The following RAB7A variants were observed in gnomAD, a reference collection of about 807,000 sequenced individuals.
RAB7A encodes RAB7A, member RAS oncogene family.
A neutral mutation model predicts 24.5 loss-of-function variants in RAB7A; 2 were observed. The observed-to-expected ratio is 0.08, with a 90% confidence interval of 0.03 to 0.26. RAB7A has a LOEUF of 0.26. Ranked by LOEUF, RAB7A falls within the 10% of genes least tolerant of loss-of-function variation. The pLI is 1.00. For missense variants in RAB7A, 118 were observed against 255.7 expected, an observed-to-expected ratio of 0.46 and a Z score of 3.67; for synonymous variants, 100 against 95.9, an observed-to-expected ratio of 1.04 and a Z score of -0.25.
chr3:128,742,989 C>T (rs1405264387), intron 1 of RAB7A, among the ~76,000 whole-genome samples: 2 of 152,178 alleles, frequency 1.3e-5, no homozygotes, highest in African/African-American at 2.4e-5. Flanking sequence ...CGGTGCCCGT[C>T]GGGGAGGCTC....
At chr3:128,811,568 G>A (rs2107617750) in intron 5 of RAB7A, among the ~76,000 whole-genome samples, 1 of 152,316 alleles carries the variant, frequency 6.6e-6, no homozygotes, top group South Asian at 2.1e-4. Context: ...GAAATGTCCA[G>A]CCCGGATGCA....
At chr3:128,777,610 C>T (rs1161849887) in intron 1 of RAB7A, among the ~76,000 whole-genome samples, 2 of 152,212 alleles carry the variant, frequency 1.3e-5, no homozygotes, top group South Asian at 4.1e-4. Context: ...CAGATTTTCA[C>T]ACCTAATCAG....
At chr3:128,754,947 G>A (rs2107593178) in intron 1 of RAB7A, among the ~76,000 whole-genome samples, 1 of 152,268 alleles carries the variant, frequency 6.6e-6, no homozygotes. Flanking sequence ...TTAATGGGTA[G>A]AAGAACCAGG....
intron 2 of RAB7A, among the ~76,000 whole-genome samples, chr3:128,795,786 C>T (rs1933559153): frequency 3.9e-5 from 1 of 25,324 alleles, no homozygotes; most frequent in Non-Finnish European, 1.7e-4. Context: ...GAGTCTCGCT[C>T]TGTCGCCCAG....
intron 3 of RAB7A, among the ~76,000 whole-genome samples, chr3:128,803,066 T>C (rs573651008): frequency 6.6e-6 from 1 of 152,118 alleles, no homozygotes; most frequent in Non-Finnish European, 1.5e-5. Flanking sequence ...TACCTTGGCC[T>C]CCCAAAGTCC....
At chr3:128,803,920 T>G (rs542247774) in intron 3 of RAB7A, among the ~76,000 whole-genome samples, 3 of 152,304 alleles carry the variant, frequency 2.0e-5, no homozygotes, top group African/African-American at 7.2e-5. Context: ...AAGGGTATAA[T>G]TTTAAATGGA....
At chr3:128,800,109 G>A (rs778828779) in intron 3 of RAB7A, among the ~76,000 whole-genome samples, 2 of 152,182 alleles carry the variant, frequency 1.3e-5, no homozygotes, top group African/African-American at 2.4e-5. Context: ...GCAGTAAGCC[G>A]TAAGAGCTGA....
chr3:128,813,261 C>T, intron 5 of RAB7A, 66 bp from the exon 6 acceptor site: 2 of 1,465,414 alleles, frequency 1.4e-6, no homozygotes, highest in East Asian at 2.3e-5. Context: ...GCAGAAAGTG[C>T]CCGCAATGAG....
intron 1 of RAB7A, among the ~76,000 whole-genome samples, chr3:128,760,858 G>A (rs185439421): frequency 1.3e-5 from 2 of 152,302 alleles, no homozygotes; most frequent in Admixed American, 6.5e-5. Context: ...GTCCCATAGC[G>A]ACTTCAGTTA....
rs1934005749 is a variant in RAB7A, at chr3:128,814,774, A to T, written c.*1352A>T. On this transcript the variant is annotated 3_prime_UTR_variant, in exon 6 of 6. Coordinates refer to ENST00000265062, the MANE Select transcript of RAB7A (RefSeq NM_004637.6). ...TCTGTAAAGAGATGAACGCAATGCCAATAAAATTGAACAAGAACAATGATC... is the reference window on the plus strand; with the variant it reads ...TCTGTAAAGAGATGAACGCAATGCCTATAAAATTGAACAAGAACAATGATC... 1 of 152,670 alleles carries T rather than the reference A, an allele frequency of 6.6e-6. No homozygotes were observed. The highest frequency in any genetic ancestry group is 1.5e-5 in the Non-Finnish European group (1 of 68,052). 9.5% of individuals were successfully genotyped at this position (152,670 alleles called of 1,614,324 possible).
chr3:128,768,593 C>T (rs1214753863), intron 1 of RAB7A, among the ~76,000 whole-genome samples: 1 of 152,070 alleles, frequency 6.6e-6, no homozygotes, highest in Non-Finnish European at 1.5e-5. Flanking sequence ...GGGTCTCATT[C>T]TGTTGCGCAG....
At chr3:128,802,182 CA>C (rs1933712008) in intron 3 of RAB7A, among the ~76,000 whole-genome samples, 1 of 152,032 alleles carries the variant, frequency 6.6e-6, no homozygotes, top group Non-Finnish European at 1.5e-5. Context: ...ATGTAACTTC[CA>C]AAGTAATATG....
At chr3:128,757,424 GT>G (rs2070739274) in intron 1 of RAB7A, among the ~76,000 whole-genome samples, 1 of 152,088 alleles carries the variant, frequency 6.6e-6, no homozygotes, top group African/African-American at 2.4e-5. Context: ...GTGCTTAGCA[GT>G]TTGAAAGCAA....
chr3:128,746,977 C>T (rs13081192), intron 1 of RAB7A, among the ~76,000 whole-genome samples: 2 of 151,588 alleles, frequency 1.3e-5, no homozygotes, highest in African/African-American at 2.4e-5. Context: ...TAAATGTATA[C>T]AATTATGATT....
intron 1 of RAB7A, among the ~76,000 whole-genome samples, chr3:128,762,599 G>A (rs889702045): frequency 1.3e-5 from 2 of 152,186 alleles, no homozygotes; most frequent in African/African-American, 4.8e-5. Context: ...TGGGGTGAGA[G>A]TTACTGGTCA....
At chr3:128,784,139 A>G (rs1448693285) in intron 1 of RAB7A, among the ~76,000 whole-genome samples, 2 of 152,250 alleles carry the variant, frequency 1.3e-5, no homozygotes, top group Non-Finnish European at 2.9e-5. Flanking sequence ...GTGAAGCTTA[A>G]ATATAACTAA....
At chr3:128,756,118 A>T (rs563834503) in intron 1 of RAB7A, among the ~76,000 whole-genome samples, 171 of 152,276 alleles carry the variant, frequency 1.1e-3, no homozygotes, top group African/African-American at 3.9e-3. Context: ...CGGGTGGATC[A>T]CAAGGTCAGA....
chr3:128,785,062 C>T (rs1220904145), intron 1 of RAB7A: 3 of 151,854 alleles, frequency 2.0e-5, no homozygotes, highest in Non-Finnish European at 4.4e-5. Context: ...TCTCCTGCCT[C>T]AGCCTCCCTG....
intron 1 of RAB7A, among the ~76,000 whole-genome samples, chr3:128,776,134 C>G (rs1049923825): frequency 6.6e-6 from 1 of 152,132 alleles, no homozygotes. Flanking sequence ...TGAGGTTATG[C>G]TCTATTTGTC....
Sources: gnomAD v4.1 joint callset for allele counts (sites outside exome capture counted in the v4.1 genomes callset) on GRCh38, gnomAD v4.1.1 for gene constraint, MANE v1.5 for transcripts, NCBI Gene and HGNC (gene_info 2026-07-23, HGNC 2026-07-21) for gene names.